The following ZNF516 variants were observed in gnomAD, a reference collection of about 807,000 sequenced individuals.
ZNF516 encodes the protein zinc finger protein 516.
In ZNF516, 19 loss-of-function variants were observed where a neutral mutation model predicts 79.7. That is an observed-to-expected ratio of 0.24 (90% CI 0.17 to 0.35). The LOEUF is 0.35. Among genes scored for constraint, ZNF516 ranks in the 10% least tolerant of loss-of-function variants. The pLI is 1.00. For missense variants in ZNF516, 1,678 were observed against 1,679.5 expected (o/e 1.00, Z 0.02); for synonymous variants, 877 against 739.5 (o/e 1.19, Z -3.02).
chr18:76,473,582 A>T (rs1913984813), intron 1 of ZNF516, among the ~76,000 whole-genome samples: 1 of 152,110 alleles, frequency 6.6e-6, no homozygotes, highest in South Asian at 2.1e-4. Flanking sequence ...TGGGCGGATC[A>T]CGAGGTCAGG....
chr18:76,404,589 G>T (rs533126085), intron 3 of ZNF516, among the ~76,000 whole-genome samples: 1 of 152,326 alleles, frequency 6.6e-6, no homozygotes, highest in South Asian at 2.1e-4. Flanking sequence ...TAATGAGTAA[G>T]CATGTGTGCA....
rs550399584 is a variant in ZNF516, at chr18:76,436,768, G to A, written c.1810+4477C>T. ...AATTCACCCTCAATCCTGTTTCAACGGGTAAACACATCCTCCAGGCCAGGT... is the reference window on the plus strand; with the variant it reads ...AATTCACCCTCAATCCTGTTTCAACAGGTAAACACATCCTCCAGGCCAGGT... On this transcript the variant is annotated intron_variant, in intron 3 of 6. Coordinates refer to ENST00000443185, the MANE Select transcript of ZNF516 (RefSeq NM_014643.4). Among the ~76,000 whole-genome samples the A allele has an allele frequency of 8.6e-5, 13 of 152,028 alleles. No homozygotes were observed. The East Asian group carries it at 1.9e-3, about 23-fold the overall frequency.
chr18:76,488,840 C>T (rs1914991853), intron 1 of ZNF516, among the ~76,000 whole-genome samples: 1 of 152,204 alleles, frequency 6.6e-6, no homozygotes, highest in African/African-American at 2.4e-5. Context: ...GTTTCCTGCA[C>T]ATTTAATAGC....
rs1228341607 is a variant in ZNF516, at chr18:76,441,450, G to A, written c.1605C>T (p.Arg535=). ...RTYHQMVLHS[R]VHRRARRERD... ...TCTCGCGGCGCGCGCGGCGATGCAC[G>A]CGTGAGTGCAGCACCATCTGATGAT... Residue 535 remains arginine (R), a synonymous_variant, in exon 3 of 7, where the codon CGC becomes CGT. Coordinates refer to ENST00000443185, the MANE Select transcript of ZNF516 (RefSeq NM_014643.4). 1.2e-5 allele frequency: 20 copies of A among 1,605,910 alleles called. No homozygotes were observed. In the East Asian group the frequency reaches 1.3e-4, roughly 11 times the overall value.
At chr18:76,449,312 G>A (rs936508533) in intron 2 of ZNF516, among the ~76,000 whole-genome samples, 6 of 152,264 alleles carry the variant, frequency 3.9e-5, no homozygotes, top group African/African-American at 7.2e-5. Flanking sequence ...GCCCTACTCC[G>A]GCCCAACAGC....
At chr18:76,480,057 G>A (rs1390209469) in intron 1 of ZNF516, among the ~76,000 whole-genome samples, 3 of 148,604 alleles carry the variant, frequency 2.0e-5, no homozygotes, top group South Asian at 2.1e-4. Flanking sequence ...GTGGCGGGGC[G>A]CCCCTAGAGC....
chr18:76,438,236 C>A (rs2075769993), intron 3 of ZNF516, among the ~76,000 whole-genome samples: 1 of 152,190 alleles, frequency 6.6e-6, no homozygotes, highest in Admixed American at 6.5e-5. Context: ...ATTCCTAAGT[C>A]GCCTAAATGC....
In ZNF516 at chr18:76,493,305, G is replaced by T. The variant is rs1915340547; in HGVS notation, c.-272+1839C>A. On this transcript the variant is annotated intron_variant, in intron 1 of 6. Transcript: ENST00000443185. The surrounding 1 kb of genome is among the most constrained non-coding windows in gnomAD (Gnocchi z 5.2). ...GAGGCGGAAAGGGAGCTCCGAGAAA[G>T]AAGGAGGGGTCATTCCGCGGGGGGC... 5.3e-6 allele frequency: 1 copy of T among 189,832 alleles called. No homozygotes were observed. The highest frequency in any genetic ancestry group is 7.8e-6 in the Non-Finnish European group (1 of 127,454). 11.8% of individuals were successfully genotyped at this position (189,832 alleles called of 1,614,324 possible).
At chr18:76,429,695 CA>C (rs1288217627) in intron 3 of ZNF516, among the ~76,000 whole-genome samples, 2 of 152,146 alleles carry the variant, frequency 1.3e-5, no homozygotes, top group Admixed American at 1.3e-4. Flanking sequence ...CAGCATCCCC[CA>C]AATCAAGACA....
In ZNF516 at chr18:76,441,853, G is replaced by A. The variant is rs1262488570; in HGVS notation, c.1202C>T (p.Thr401Met). ...PSAAGDSCPG[T>M]QAGRRVAELD... ...CTCAGCCACCCGCCGTCCGGCCTGCGTGCCAGGGCACGAGTCGCCGGCCGC... is the reference window on the plus strand; with the variant it reads ...CTCAGCCACCCGCCGTCCGGCCTGCATGCCAGGGCACGAGTCGCCGGCCGC... The change falls in exon 3 of 7, where the codon ACG becomes ATG. Residue 401 changes from threonine (T) to methionine (M), a missense_variant. By Grantham distance (81) the Thr-to-Met change is moderately conservative. Transcript: ENST00000443185. The A allele has an allele frequency of 3.8e-6, 6 of 1,578,588 alleles. No homozygotes were observed. The highest frequency in any genetic ancestry group is 1.7e-4 in the Middle Eastern group (1 of 6,020).
chr18:76,412,124 G>T (rs2075378757), intron 3 of ZNF516, among the ~76,000 whole-genome samples: 1 of 152,164 alleles, frequency 6.6e-6, no homozygotes, highest in Non-Finnish European at 1.5e-5. Context: ...TAGTGGCATT[G>T]TTGCAGCTGA....
intron 6 of ZNF516, among the ~76,000 whole-genome samples, chr18:76,364,995 G>A (rs959713317): frequency 6.6e-6 from 1 of 152,210 alleles, no homozygotes; most frequent in Non-Finnish European, 1.5e-5. Flanking sequence ...TTAAGCAAAT[G>A]AGCTGAATTT....
intron 3 of ZNF516, among the ~76,000 whole-genome samples, chr18:76,434,610 C>T (rs1434080664): frequency 2.6e-5 from 4 of 152,194 alleles, no homozygotes; most frequent in Non-Finnish European, 5.9e-5. Flanking sequence ...CACAGAGTAC[C>T]ACGGCTGTGG....
intron 4 of ZNF516, among the ~76,000 whole-genome samples, chr18:76,372,034 C>T (rs2074716928): frequency 6.6e-6 from 1 of 152,188 alleles, no homozygotes; most frequent in Non-Finnish European, 1.5e-5. Context: ...GTGAGTGCGG[C>T]CACAGGGTGG....
intron 1 of ZNF516, among the ~76,000 whole-genome samples, chr18:76,464,035 G>A (rs933467434): frequency 2.0e-5 from 3 of 152,136 alleles, no homozygotes; most frequent in African/African-American, 4.8e-5. Context: ...TCAGAAGTGG[G>A]ACTCAAGGCC....
chr18:76,486,718 C>T (rs1914855052), intron 1 of ZNF516, among the ~76,000 whole-genome samples: 1 of 151,546 alleles, frequency 6.6e-6, no homozygotes, highest in Admixed American at 6.6e-5. Context: ...ATTCCCTCTG[C>T]CTTGAAGATA....
intron 2 of ZNF516, among the ~76,000 whole-genome samples, chr18:76,462,669 T>C (rs1599129475): frequency 1.3e-5 from 2 of 152,322 alleles, no homozygotes; most frequent in South Asian, 4.1e-4. Flanking sequence ...CTTACTCATA[T>C]GCAAGCTAAT....
rs1158336700 is a variant in ZNF516, at chr18:76,467,462, C to G, written c.-271-4321G>C. ...GCTCTGCCCTGAGATCTCTCTCGCC[C>G]TAACTAGATATTAAGCACACCTCGG... On this transcript the variant is annotated intron_variant, in intron 1 of 6. Coordinates refer to ENST00000443185, the MANE Select transcript of ZNF516 (RefSeq NM_014643.4). The surrounding 1 kb of genome is among the most constrained non-coding windows in gnomAD (Gnocchi z 4.2). Among the ~76,000 whole-genome samples, 1 of 152,206 alleles carries G rather than the reference C, an allele frequency of 6.6e-6. No individual in the cohort carries two copies. The highest frequency in any genetic ancestry group is 1.5e-5 in the Non-Finnish European group (1 of 68,030).
At chr18:76,372,103 A>G (rs1158788504) in intron 4 of ZNF516, among the ~76,000 whole-genome samples, 1 of 152,150 alleles carries the variant, frequency 6.6e-6, no homozygotes, top group Non-Finnish European at 1.5e-5. Context: ...CGGCCCCCAG[A>G]AGGGAGGGGA....
Sources: allele counts gnomAD v4.1 joint callset (sites outside exome capture counted in the v4.1 genomes callset), GRCh38; gene constraint gnomAD v4.1.1; non-coding constraint Gnocchi (gnomAD v3.1); transcripts MANE v1.5; gene names NCBI Gene and HGNC (gene_info 2026-07-23, HGNC 2026-07-21).